ARMH1: variants seen among roughly 807,000 people sequenced by gnomAD.
ARMH1 encodes the protein armadillo-like helical domain containing protein 1.
In ARMH1, 34 loss-of-function variants were observed where a neutral mutation model predicts 50.2. That is an observed-to-expected ratio of 0.68 (90% CI 0.51 to 0.90). ARMH1 has a LOEUF of 0.90. Ranked by LOEUF, ARMH1 falls within the 40% of genes least tolerant of loss-of-function variation. The pLI is 0.00. For missense variants in ARMH1, 538 were observed against 553.9 expected (o/e 0.97, Z 0.29); for synonymous variants, 221 against 224.2 (o/e 0.99, Z 0.13).
chr1:44,699,906 T>C (rs1645986465), intron 4 of ARMH1, among the ~76,000 whole-genome samples: 1 of 151,230 alleles, frequency 6.6e-6, no homozygotes, highest in African/African-American at 2.4e-5. Context: ...CTCAGCTCAC[T>C]ACAACCTCCA....
intron 1 of ARMH1, chr1:44,688,959 T>C (rs1029673146): frequency 6.6e-6 from 1 of 152,312 alleles, no homozygotes; most frequent in East Asian, 1.9e-4. Context: ...CTTAGGTGAT[T>C]GGCATAAGAG....
Position 44,725,431 on chromosome 1 carries a change from A to G in ARMH1, c.*28A>G. 6.5e-7 allele frequency: 1 copy of G among 1,549,988 alleles called. No individual in the cohort carries two copies. The highest frequency in any genetic ancestry group is 8.7e-7 in the Non-Finnish European group (1 of 1,145,442). ...GCCCCTGTGGCAAACCAGGAAGGCC[A>G]AGGCTGCGGGGCAGGGAAGCCTGGC... On this transcript the variant is annotated 3_prime_UTR_variant, in exon 12 of 12. Coordinates refer to ENST00000535358, the MANE Select transcript of ARMH1 (RefSeq NM_001145636.2).
chr1:44,724,732 C>T lies in ARMH1; in HGVS notation c.1051-30C>T. 1 of 1,512,768 alleles carries T rather than the reference C, an allele frequency of 6.6e-7. No homozygotes were observed. Among genetic ancestry groups the T allele is most frequent in the Non-Finnish European group, 8.8e-7 (1 of 1,135,400 alleles). The allele number at this position is 1,512,768 out of a possible 1,614,324, so 93.7% of individuals were successfully genotyped here. A position where few individuals can be genotyped will look rare whatever the true frequency, so the allele number is the denominator to read the frequency against. On this transcript the variant is annotated intron_variant, in intron 9 of 11. Transcript: ENST00000535358. This position sits in a 1 kb window ranked among gnomAD's most constrained non-coding sequence, Gnocchi z 6.4. ...GGCACCCGCAGCCCCGTCGCCCCCG[C>T]AGTCACGCCGCCTCGCCCGCGCGGC... is the stretch of plus-strand genomic sequence containing the variant.
chr1:44,691,215 G>A (rs543059697), intron 2 of ARMH1, among the ~76,000 whole-genome samples: 16 of 152,048 alleles, frequency 1.1e-4, no homozygotes, highest in Non-Finnish European at 2.2e-4. Flanking sequence ...CCAAGATCGC[G>A]CCATTGTACT....
At chr1:44,688,435 A>G (rs1485981338) in intron 1 of ARMH1, 1 of 152,206 alleles carries the variant, frequency 6.6e-6, no homozygotes, top group Non-Finnish European at 1.5e-5. Flanking sequence ...TTAATTTAGA[A>G]TCAATTTTAG....
intron 4 of ARMH1, among the ~76,000 whole-genome samples, chr1:44,700,489 A>G (rs1286701892): frequency 3.3e-5 from 5 of 151,696 alleles, no homozygotes; most frequent in African/African-American, 1.2e-4. Context: ...GGTGGCACAC[A>G]CCTGTAGTCC....
intron 2 of ARMH1, 30 bp from the exon 3 acceptor site, chr1:44,697,072 C>G: frequency 6.5e-7 from 1 of 1,537,296 alleles, no homozygotes; most frequent in Non-Finnish European, 8.8e-7. Context: ...AAAAACCACC[C>G]TGAAACTCAC....
intron 1 of ARMH1, among the ~76,000 whole-genome samples, chr1:44,684,186 A>G (rs2148583231): frequency 6.6e-6 from 1 of 152,372 alleles, no homozygotes; most frequent in East Asian, 1.9e-4. Context: ...TATCCCAGCA[A>G]CTGACTCTTG....
intron 2 of ARMH1, among the ~76,000 whole-genome samples, chr1:44,696,432 G>T (rs578055716): frequency 1.3e-5 from 2 of 152,318 alleles, no homozygotes; most frequent in East Asian, 3.9e-4. Context: ...CCTAGTAATT[G>T]TTGACTGGTT....
Position 44,683,809 on chromosome 1 carries a change from C to A in ARMH1, c.-22-5867C>A, listed in dbSNP as rs1179447766. Among the ~76,000 whole-genome samples the A allele has an allele frequency of 6.6e-6, 1 of 152,164 alleles. No individual in the cohort carries two copies. The highest frequency in any genetic ancestry group is 2.4e-5 in the African/African-American group (1 of 41,440). Reference sequence around the variant, plus strand: ...CCCTTCTAAACCTTAGTTTCTTCATCTGAAAGTTGTGGATAATGATGACCT... The same window carrying A: ...CCCTTCTAAACCTTAGTTTCTTCATATGAAAGTTGTGGATAATGATGACCT... On this transcript the variant is annotated intron_variant, in intron 1 of 11. Coordinates refer to ENST00000535358, the MANE Select transcript of ARMH1 (RefSeq NM_001145636.2). This position sits in a 1 kb window ranked among gnomAD's most constrained non-coding sequence, Gnocchi z 4.2.
At chr1:44,713,714 T>C (rs925989737) in intron 6 of ARMH1, among the ~76,000 whole-genome samples, 3 of 152,206 alleles carry the variant, frequency 2.0e-5, no homozygotes, top group Non-Finnish European at 4.4e-5. Flanking sequence ...ATCTGCATCC[T>C]GCCCTTGCCT....
At chr1:44,703,109 A>G (rs114310414) in intron 5 of ARMH1, among the ~76,000 whole-genome samples, 2,957 of 152,270 alleles carry the variant, frequency 0.019, 93 homozygotes, top group African/African-American at 0.068. Context: ...GAACCAATGC[A>G]TGGGTAAAGT....
intron 1 of ARMH1, chr1:44,684,643 A>C (rs1333867001): frequency 1.3e-5 from 2 of 152,230 alleles, no homozygotes; most frequent in Non-Finnish European, 2.9e-5. Flanking sequence ...TTACCACTGA[A>C]GGTCAGAAAT....
chr1:44,691,560 CCT>C (rs1323664780), intron 2 of ARMH1, among the ~76,000 whole-genome samples: 4 of 152,128 alleles, frequency 2.6e-5, no homozygotes, highest in Non-Finnish European at 4.4e-5. Flanking sequence ...TTCAGCCACC[CCT>C]TAAATGCTGT....
At chr1:44,686,158 T>G (rs532725381) in intron 1 of ARMH1, among the ~76,000 whole-genome samples, 42 of 152,288 alleles carry the variant, frequency 2.8e-4, no homozygotes, top group African/African-American at 9.6e-4. Flanking sequence ...GAAAGAGATC[T>G]GTGGGACAGA....
Position 44,682,670 on chromosome 1 carries a change from A to G in ARMH1, c.-22-7006A>G, listed in dbSNP as rs1156946041. Among the ~76,000 whole-genome samples the G allele has an allele frequency of 1.3e-5, 2 of 152,206 alleles. No homozygotes were observed. The highest frequency in any genetic ancestry group is 4.8e-5 in the African/African-American group (2 of 41,456). Reference sequence around the variant, plus strand: ...GCCTGGCCTGGTGGCTCACACCTGTAATCCCAGTACTTTGGGAGGCCGAGG... The same window carrying G: ...GCCTGGCCTGGTGGCTCACACCTGTGATCCCAGTACTTTGGGAGGCCGAGG... On this transcript the variant is annotated intron_variant, in intron 1 of 11. Transcript: ENST00000535358. The surrounding 1 kb of genome is among the most constrained non-coding windows in gnomAD (Gnocchi z 4.5).
At chr1:44,686,449 G>T (rs759364716) in intron 1 of ARMH1, among the ~76,000 whole-genome samples, 5 of 152,198 alleles carry the variant, frequency 3.3e-5, no homozygotes, top group Non-Finnish European at 7.3e-5. Flanking sequence ...GCTGAGGCAG[G>T]CAGATCACTT....
chr1:44,703,223 C>G (rs1646172910), intron 5 of ARMH1, among the ~76,000 whole-genome samples: 1 of 152,028 alleles, frequency 6.6e-6, no homozygotes, highest in Non-Finnish European at 1.5e-5. Flanking sequence ...CCTGTGTCCT[C>G]TCTCCCCCAA....
chr1:44,689,165 G>C (rs1645574000), intron 1 of ARMH1: 1 of 155,208 alleles, frequency 6.4e-6, no homozygotes, highest in South Asian at 2.0e-4. Flanking sequence ...GGGTTCAAGG[G>C]ATTTCTCCTG....
Sources: allele counts gnomAD v4.1 joint callset (sites outside exome capture counted in the v4.1 genomes callset), GRCh38; gene constraint gnomAD v4.1.1; non-coding constraint Gnocchi (gnomAD v3.1); transcripts MANE v1.5; gene names NCBI Gene and HGNC (gene_info 2026-07-23, HGNC 2026-07-21).